SLC39A11: variants seen among roughly 807,000 people sequenced by gnomAD.
SLC39A11 encodes the protein zinc transporter ZIP11.
Under a neutral mutation model 36.1 loss-of-function variants are expected in SLC39A11, and 33 were observed. That is an observed-to-expected ratio of 0.91 (90% CI 0.69 to 1.22). SLC39A11 has a LOEUF of 1.22. SLC39A11 is among the 50% of genes most tolerant of loss of function. SLC39A11 has a pLI of 0.00. For missense variants in SLC39A11, 432 were observed against 430.3 expected, an observed-to-expected ratio of 1.00 and a Z score of -0.03; for synonymous variants, 166 against 170.3, an observed-to-expected ratio of 0.97 and a Z score of 0.20.
intron 2 of SLC39A11, among the ~76,000 whole-genome samples, chr17:73,085,097 G>A (rs1403247128): frequency 6.6e-6 from 1 of 152,160 alleles, no homozygotes; most frequent in Non-Finnish European, 1.5e-5. Context: ...CCCTTGTGTT[G>A]TCTCTTACTC....
chr17:72,716,992 T>TATATACACACACACACAC (rs773086532), intron 7 of SLC39A11, among the ~76,000 whole-genome samples: 1 of 126,464 alleles, frequency 7.9e-6, no homozygotes, highest in African/African-American at 3.2e-5. Flanking sequence ...TATATATATA[T>TATATACACACACACACAC]ACACACACAC....
At chr17:73,055,965 A>G (rs1019164581) in intron 3 of SLC39A11, among the ~76,000 whole-genome samples, 1 of 152,174 alleles carries the variant, frequency 6.6e-6, no homozygotes, top group Admixed American at 6.5e-5. Context: ...TGAATCGTAA[A>G]TAAAGGTCAA....
At chr17:72,931,196 G>A (rs1313215029) in intron 5 of SLC39A11, among the ~76,000 whole-genome samples, 1 of 152,196 alleles carries the variant, frequency 6.6e-6, no homozygotes, top group African/African-American at 2.4e-5. Context: ...CTGCAAAGGA[G>A]TGAGTGAAAG....
chr17:72,773,794 T>C (rs532305223), intron 6 of SLC39A11, among the ~76,000 whole-genome samples: 135 of 152,216 alleles, frequency 8.9e-4, no homozygotes, highest in Non-Finnish European at 1.8e-3. Context: ...ATAAATAACT[T>C]GATCTTCACT....
intron 6 of SLC39A11, among the ~76,000 whole-genome samples, chr17:72,740,357 G>A (rs564628639): frequency 1.3e-5 from 2 of 152,132 alleles, no homozygotes; most frequent in East Asian, 3.9e-4. Context: ...AAGCCACCGC[G>A]CCCGGCCAGA....
chr17:73,066,316 T>C (rs1408801619), intron 3 of SLC39A11, among the ~76,000 whole-genome samples: 4 of 152,034 alleles, frequency 2.6e-5, no homozygotes, highest in Non-Finnish European at 5.9e-5. Flanking sequence ...GCCTCATGAG[T>C]GACCCCAGGC....
intron 5 of SLC39A11, among the ~76,000 whole-genome samples, chr17:72,946,935 G>A (rs144843187): frequency 1.5e-3 from 235 of 152,312 alleles, no homozygotes; most frequent in African/African-American, 5.6e-3. Context: ...GATTCCTCTT[G>A]AGGGACGCAT....
At chr17:73,076,790 C>CT (rs1599167885) in intron 3 of SLC39A11, among the ~76,000 whole-genome samples, 1 of 147,426 alleles carries the variant, frequency 6.8e-6, no homozygotes, top group East Asian at 2.0e-4. Context: ...GGCAAGGGGA[C>CT]TTTCTTTTTT....
chr17:72,906,633 A>G (rs1281286624), intron 5 of SLC39A11, among the ~76,000 whole-genome samples: 1 of 152,222 alleles, frequency 6.6e-6, no homozygotes, highest in Admixed American at 6.5e-5. Flanking sequence ...ACAGAAGGCA[A>G]CTCACCTGAA....
At chr17:73,071,651 C>T (rs1176690861) in intron 3 of SLC39A11, among the ~76,000 whole-genome samples, 4 of 152,224 alleles carry the variant, frequency 2.6e-5, no homozygotes, top group African/African-American at 9.6e-5. Context: ...GGCCAGCAGA[C>T]TTCTTCTCTA....
intron 4 of SLC39A11, among the ~76,000 whole-genome samples, chr17:73,029,867 C>G (rs1000646599): frequency 6.6e-6 from 1 of 152,196 alleles, no homozygotes; most frequent in African/African-American, 2.4e-5. Context: ...CAGGCATGAA[C>G]CACTGTGCCC....
At chr17:72,677,960 CTTAG>C (rs2071348060) in intron 7 of SLC39A11, among the ~76,000 whole-genome samples, 1 of 152,178 alleles carries the variant, frequency 6.6e-6, no homozygotes, top group Non-Finnish European at 1.5e-5. Flanking sequence ...GTGTTCTCCT[CTTAG>C]TTTGAATACC....
At chr17:72,658,214 C>G (rs536433854) in intron 7 of SLC39A11, among the ~76,000 whole-genome samples, 2 of 152,066 alleles carry the variant, frequency 1.3e-5, no homozygotes, top group Non-Finnish European at 2.9e-5. Flanking sequence ...GGAGTGTAGG[C>G]GGGGGAAAGG....
At chr17:72,829,519 C>A (rs1352729672) in intron 6 of SLC39A11, among the ~76,000 whole-genome samples, 1 of 152,050 alleles carries the variant, frequency 6.6e-6, no homozygotes, top group East Asian at 1.9e-4. Flanking sequence ...AGCTCAAGGG[C>A]AGCTGGGCAG....
At position 72,711,017 on chromosome 17, in the gene SLC39A11, C is replaced by T. The variant is rs74339597; in HGVS notation, c.671+25633G>A. 3.8e-3 allele frequency among the ~76,000 whole-genome samples: 573 copies of T among 152,288 alleles called. 5 individuals are homozygous for T. The highest frequency in any genetic ancestry group is 0.013 in the African/African-American group (540 of 41,560). On this transcript the variant is annotated intron_variant, in intron 7 of 9. Transcript: ENST00000255559. ...CTTTAGTGTCTCTGCTTTGCTCTTG[C>T]GACAGAATTGCACAACCTTCATACA...
At chr17:72,867,939 C>T (rs552277950) in intron 5 of SLC39A11, among the ~76,000 whole-genome samples, 2 of 152,294 alleles carry the variant, frequency 1.3e-5, no homozygotes, top group Non-Finnish European at 2.9e-5. Context: ...AATGGTAAAA[C>T]AAAATTGAAG....
At chr17:72,841,740 G>C (rs565812457) in intron 6 of SLC39A11, among the ~76,000 whole-genome samples, 4 of 152,064 alleles carry the variant, frequency 2.6e-5, no homozygotes, top group Non-Finnish European at 4.4e-5. Flanking sequence ...TTAAGTTGAT[G>C]GGTTATGCAT....
intron 3 of SLC39A11, chr17:73,068,293 GC>G: frequency 3.1e-6 from 2 of 652,926 alleles, no homozygotes; most frequent in Non-Finnish European, 5.5e-6. Context: ...CCACCATCTT[GC>G]TTGGAGAGAC....
intron 6 of SLC39A11, among the ~76,000 whole-genome samples, chr17:72,832,313 G>A (rs568035202): frequency 1.3e-5 from 2 of 152,272 alleles, no homozygotes; most frequent in South Asian, 4.1e-4. Flanking sequence ...GATTCGTCAC[G>A]AGCCCCCTAG....
Sources: allele counts gnomAD v4.1 joint callset (sites outside exome capture counted in the v4.1 genomes callset), GRCh38; gene constraint gnomAD v4.1.1; transcripts MANE v1.5; gene names NCBI Gene and HGNC (gene_info 2026-07-23, HGNC 2026-07-21).